PLEKHD1: variants seen among roughly 807,000 people sequenced by gnomAD.
PLEKHD1 encodes pleckstrin homology and coiled-coil domain containing D1.
In PLEKHD1, 51 loss-of-function variants were observed where a neutral mutation model predicts 69.2. The observed-to-expected ratio is 0.74, with a 90% CI of 0.59 to 0.93. PLEKHD1 has a LOEUF of 0.93. Among genes scored for constraint, PLEKHD1 ranks in the 40% least tolerant of loss-of-function variants. The probability of loss-of-function intolerance (pLI) is 0.00; values close to 1 mark genes in which losing one functional copy is unlikely to be tolerated. For missense variants in PLEKHD1, 584 were observed against 641.0 expected, an observed-to-expected ratio of 0.91 and a Z score of 0.96; for synonymous variants, 236 against 244.7, an observed-to-expected ratio of 0.96 and a Z score of 0.33.
intron 6 of PLEKHD1, among the ~76,000 whole-genome samples, chr14:69,513,221 A>AAATAAAATAAAATAAAATAAAAT (rs1318680928): frequency 6.0e-5 from 9 of 149,672 alleles, no homozygotes; most frequent in South Asian, 2.2e-4. Flanking sequence ...TCCATCTCAA[A>AAATAAAATAAAATAAAATAAAAT]AATAAAATAA....
Position 69,528,241 on chromosome 14 carries a change from T to A in PLEKHD1, c.1352-9T>A. The A allele has an allele frequency of 6.4e-7, 1 of 1,551,528 alleles. No homozygotes were observed. Among genetic ancestry groups the A allele is most frequent in the Non-Finnish European group, 8.7e-7 (1 of 1,146,924 alleles). ...TGTTCACAGGGCTGTTGGGCTCCTGTTTCCCCAGTGAAGCCGTCCCAGTCC... is the reference window on the plus strand; with the variant it reads ...TGTTCACAGGGCTGTTGGGCTCCTGATTCCCCAGTGAAGCCGTCCCAGTCC... On this transcript the variant is annotated splice_polypyrimidine_tract_variant and intron_variant, in intron 12 of 12. Transcript: ENST00000322564.
the PLEKHD1 span, among the ~76,000 whole-genome samples, chr14:69,470,608 G>T: frequency 6.6e-6 from 1 of 152,180 alleles, no homozygotes; most frequent in African/African-American, 2.4e-5. Flanking sequence ...AGGCAATGTG[G>T]TGTATTTCCT....
At chr14:69,490,918 G>C (rs1205655474) in intron 1 of PLEKHD1, among the ~76,000 whole-genome samples, 1 of 152,212 alleles carries the variant, frequency 6.6e-6, no homozygotes, top group Admixed American at 6.5e-5. Flanking sequence ...TATTCTGGAA[G>C]TTTGTGCCCG....
rs1882900409 is a variant in PLEKHD1 at position 69,496,812 on chromosome 14, G to C, written c.150-3303G>C. 3.4e-5 allele frequency among the ~76,000 whole-genome samples: 5 copies of C among 148,826 alleles called. No homozygotes were observed. The South Asian group carries it at 1.1e-3, about 32-fold the overall frequency. ...TCCCCCTGCTTCAGCCTTCCAAACT[G>C]TCATGATTACAGATATGAGCCACTG... On this transcript the variant is annotated intron_variant, in intron 1 of 12. Coordinates refer to ENST00000322564, the MANE Select transcript of PLEKHD1 (RefSeq NM_001161498.2).
intron 8 of PLEKHD1, 69 bp downstream of exon 8, chr14:69,524,391 T>A: frequency 7.6e-7 from 1 of 1,321,898 alleles, no homozygotes; most frequent in Non-Finnish European, 1.1e-6. Context: ...GACACTGTTT[T>A]TTCCAGCAGT....
At chr14:69,468,495 T>C in the PLEKHD1 span, among the ~76,000 whole-genome samples, 1 of 152,376 alleles carries the variant, frequency 6.6e-6, no homozygotes, top group South Asian at 2.1e-4. Flanking sequence ...ATTCTTTTTA[T>C]TATAAGTGCT....
Position 69,528,590 on chromosome 14 carries a change from C to T in PLEKHD1, c.*171C>T, listed in dbSNP as rs138975710. On this transcript the variant is annotated 3_prime_UTR_variant, in exon 13 of 13. Coordinates refer to ENST00000322564, the MANE Select transcript of PLEKHD1 (RefSeq NM_001161498.2). ...CAGCCTTGCCCTCAAAGGACATGGACGCTGCCTTCCTCATCCTCACCCCAC... is the reference window on the plus strand; with the variant it reads ...CAGCCTTGCCCTCAAAGGACATGGATGCTGCCTTCCTCATCCTCACCCCAC... The T allele has an allele frequency of 1.7e-3, 1,508 of 898,340 alleles. 4 individuals are homozygous for T. Among genetic ancestry groups the T allele is most frequent in the Non-Finnish European group, 2.2e-3 (1,316 of 609,790 alleles). The allele number at this position is 898,340 out of a possible 1,614,324, so 55.6% of individuals were successfully genotyped here. A position where few individuals can be genotyped will look rare whatever the true frequency, so the allele number is the denominator to read the frequency against.
At position 69,489,558 on chromosome 14, in the gene PLEKHD1, CAAAAAAA is replaced by C. The variant is rs1166429791; in HGVS notation, c.149+4461_149+4467del. Among the ~76,000 whole-genome samples the C allele has an allele frequency of 1.8e-3, 109 of 59,896 alleles. 5 individuals carry two copies. The highest frequency in any genetic ancestry group is 9.6e-3 in the East Asian group (18 of 1,876). 39.3% of individuals were successfully genotyped at this position (59,896 alleles called of 152,430 possible). On this transcript the variant is annotated intron_variant, in intron 1 of 12. Transcript: ENST00000322564. ...TGAGGGACAGAGTGATACTCCATCTCAAAAAAAAAAAAAAAAAAAAAAAGGAAAAAAA... is the reference window on the plus strand; with the variant it reads ...TGAGGGACAGAGTGATACTCCATCTCAAAAAAAAAAAAAAAAGGAAAAAAA...
At chr14:69,499,691 T>C (rs1306532391) in intron 1 of PLEKHD1, among the ~76,000 whole-genome samples, 2 of 152,228 alleles carry the variant, frequency 1.3e-5, no homozygotes, top group Non-Finnish European at 2.9e-5. Flanking sequence ...AGCTTTCATG[T>C]TACTTGCCAA....
At position 69,484,971 on chromosome 14, in the gene PLEKHD1, C is replaced by T. The variant is rs865902385; in HGVS notation, c.6C>T (p.Phe2=). Residue 2 remains phenylalanine, a synonymous_variant, in exon 1 of 13, where the codon TTC becomes TTT. Transcript: ENST00000322564. The part of the protein sequence containing the change: M[F]TSKSNSVSPS... The stretch of plus-strand genomic sequence containing the variant: ...CACAGCCCCGCTGAGGCAGGATGTT[C>T]ACGTCCAAGTCCAACTCGGTGTCGC... The T allele has an allele frequency of 1.9e-6, 3 of 1,550,928 alleles. No individual in the cohort carries two copies. Among genetic ancestry groups the T allele is most frequent in the Non-Finnish European group, 2.6e-6 (3 of 1,146,748 alleles).
At chr14:69,527,619 T>A in intron 11 of PLEKHD1, among the ~76,000 whole-genome samples, 164 bp from the exon 12 acceptor site, 1 of 152,256 alleles carries the variant, frequency 6.6e-6, no homozygotes, top group East Asian at 1.9e-4. Context: ...CAGATTGTGG[T>A]TTGAAAGGCA....
chr14:69,518,280 A>T (rs1247586062), intron 6 of PLEKHD1, among the ~76,000 whole-genome samples: 1 of 151,950 alleles, frequency 6.6e-6, no homozygotes, highest in Non-Finnish European at 1.5e-5. Flanking sequence ...AGCTCAAGCA[A>T]TCCTCCCACC....
intron 1 of PLEKHD1, among the ~76,000 whole-genome samples, chr14:69,499,267 T>C (rs1009644829): frequency 1.6e-5 from 2 of 124,144 alleles, no homozygotes; most frequent in Admixed American, 1.6e-4. Flanking sequence ...ACACACACAC[T>C]CACACCAGCT....
the PLEKHD1 span, among the ~76,000 whole-genome samples, chr14:69,474,771 A>G: frequency 6.6e-6 from 1 of 152,234 alleles, no homozygotes. Flanking sequence ...GTTTAGTAAC[A>G]AAGCCAGAAA....
At chr14:69,468,574 T>C in the PLEKHD1 span, among the ~76,000 whole-genome samples, 7 of 151,944 alleles carry the variant, frequency 4.6e-5, no homozygotes, top group Non-Finnish European at 7.4e-5. Flanking sequence ...TCCTTCCTTC[T>C]TTCTTTCTTT....
intron 1 of PLEKHD1, among the ~76,000 whole-genome samples, chr14:69,487,715 C>T (rs1459789922): frequency 6.6e-6 from 1 of 152,180 alleles, no homozygotes; most frequent in Non-Finnish European, 1.5e-5. Flanking sequence ...CATTAATTAG[C>T]AGAGATCAGA....
chr14:69,493,449 A>G (rs375893611), intron 1 of PLEKHD1, among the ~76,000 whole-genome samples: 2 of 152,144 alleles, frequency 1.3e-5, no homozygotes, highest in East Asian at 3.8e-4. Context: ...CACTAGAGAA[A>G]CCTCTGTGCC....
At chr14:69,527,414 C>A in intron 11 of PLEKHD1, 82 bp downstream of exon 11, 2 of 1,527,514 alleles carry the variant, frequency 1.3e-6, no homozygotes, top group Non-Finnish European at 1.8e-6. Context: ...GCCAGGAAAC[C>A]CACACAGGGT....
intron 6 of PLEKHD1, chr14:69,503,140 A>G (rs1322561257): frequency 4.1e-6 from 2 of 492,098 alleles, no homozygotes; most frequent in Non-Finnish European, 7.5e-6. Flanking sequence ...AGCCATCCAA[A>G]GTGTCATCAG....
Sources: allele counts gnomAD v4.1 joint callset (sites outside exome capture counted in the v4.1 genomes callset), GRCh38; gene constraint gnomAD v4.1.1; transcripts MANE v1.5; gene names NCBI Gene and HGNC (gene_info 2026-07-23, HGNC 2026-07-21).